Variants in GLIS3 observed in about 807,000 individuals in gnomAD.
The protein encoded by GLIS3 is zinc finger protein GLIS3.
Under a neutral mutation model 78.6 loss-of-function variants are expected in GLIS3, and 53 were observed. The ratio of observed to expected loss-of-function variants is 0.67; its 90% confidence interval spans 0.54 to 0.85. The LOEUF (loss-of-function observed/expected upper bound fraction) is 0.85. Among genes scored for constraint, GLIS3 ranks in the 40% least tolerant of loss-of-function variants. The probability of loss-of-function intolerance (pLI) is 0.00; values close to 1 mark genes in which losing one functional copy is unlikely to be tolerated. For missense variants in GLIS3, 1,703 were observed against 1,231.1 expected, an observed-to-expected ratio of 1.38 and a Z score of -5.74; for synonymous variants, 684 against 509.9, an observed-to-expected ratio of 1.34 and a Z score of -4.60.
chr9:4,242,897 T>C (rs574294256), intron 2 of GLIS3, among the ~76,000 whole-genome samples: 91 of 152,224 alleles, frequency 6.0e-4, no homozygotes, highest in Non-Finnish European at 1.1e-3. Flanking sequence ...GCTACTAAAA[T>C]TTTTAAATTA....
chr9:3,874,228 A>G lies in GLIS3; in HGVS notation c.2297+5199T>C, dbSNP rs189740729. ...GGGCCAAAGAGTAAACTGATTACCG[A>G]TGGCCAATGATGTAATCAATCACGC... On this transcript the variant is annotated intron_variant, in intron 8 of 10. Transcript: ENST00000381971. Among the ~76,000 whole-genome samples, 322 of 152,318 alleles carry G rather than the reference A, an allele frequency of 2.1e-3. 10 individuals carry two copies. The highest frequency in any genetic ancestry group is 0.019 in the Admixed American group (287 of 15,304).
At chr9:4,052,046 C>G (rs1055269874) in intron 4 of GLIS3, among the ~76,000 whole-genome samples, 1 of 152,168 alleles carries the variant, frequency 6.6e-6, no homozygotes, top group African/African-American at 2.4e-5. Flanking sequence ...CTGTTCACTT[C>G]TAAATAATTT....
chr9:4,311,895 T>C (rs1332349263), intron 2 of GLIS3, among the ~76,000 whole-genome samples: 1 of 152,150 alleles, frequency 6.6e-6, no homozygotes, highest in Admixed American at 6.5e-5. Context: ...AAAGATCCTT[T>C]AAAAATCTAT....
At chr9:4,195,346 G>A (rs987454897) in intron 2 of GLIS3, among the ~76,000 whole-genome samples, 21 of 152,340 alleles carry the variant, frequency 1.4e-4, no homozygotes, top group Non-Finnish European at 1.5e-4. Context: ...TCGCAGGCCA[G>A]CGCGAGTTCT....
intron 4 of GLIS3, chr9:4,034,401 T>C (rs1824134758): frequency 6.6e-6 from 1 of 152,202 alleles, no homozygotes. Context: ...CCCCCTTGTT[T>C]CTTGAATTAG....
intron 2 of GLIS3, among the ~76,000 whole-genome samples, chr9:4,344,213 T>A (rs1285856974): frequency 6.6e-6 from 1 of 152,084 alleles, no homozygotes; most frequent in Non-Finnish European, 1.5e-5. Flanking sequence ...TATTCACCAT[T>A]TTTATTTGCC....
At chr9:4,481,476 T>C in the GLIS3 span, among the ~76,000 whole-genome samples, 1 of 139,854 alleles carries the variant, frequency 7.2e-6, no homozygotes, top group African/African-American at 2.8e-5. Flanking sequence ...CAAGACCCCA[T>C]CAAAAAATTA....
chr9:4,489,658 C>G, the GLIS3 span, among the ~76,000 whole-genome samples: 1 of 152,164 alleles, frequency 6.6e-6, no homozygotes, highest in East Asian at 1.9e-4. Flanking sequence ...CTTTCCAATC[C>G]GTTGGACCTT....
the GLIS3 span, among the ~76,000 whole-genome samples, chr9:4,373,486 G>GA: frequency 1.3e-5 from 2 of 152,100 alleles, no homozygotes; most frequent in African/African-American, 4.8e-5. Flanking sequence ...GCTCTGGGGG[G>GA]AAAAACTGTT....
intron 3 of GLIS3, among the ~76,000 whole-genome samples, chr9:4,121,620 G>GACACACACACAC (rs767610111): frequency 2.7e-4 from 38 of 142,214 alleles, no homozygotes; most frequent in African/African-American, 7.1e-4. Flanking sequence ...TTCTCCCAGT[G>GACACACACACAC]ACACACACAC....
At chr9:4,174,001 C>G (rs1305919113) in intron 2 of GLIS3, among the ~76,000 whole-genome samples, 1 of 151,976 alleles carries the variant, frequency 6.6e-6, no homozygotes, top group Non-Finnish European at 1.5e-5. Flanking sequence ...TTAAAAAAAA[C>G]TTAATTTCCA....
chr9:4,205,244 A>G (rs1245018433), intron 2 of GLIS3, among the ~76,000 whole-genome samples: 1 of 149,480 alleles, frequency 6.7e-6, no homozygotes, highest in Non-Finnish European at 1.5e-5. Context: ...ATTGCTGCTC[A>G]AAACCCTCTC....
the GLIS3 span, among the ~76,000 whole-genome samples, chr9:4,363,670 T>C: frequency 6.6e-6 from 1 of 152,216 alleles, no homozygotes; most frequent in Non-Finnish European, 1.5e-5. Context: ...TCCACCTCTA[T>C]CAATTTTCAA....
In GLIS3 at chr9:4,203,258, C is replaced by A. The variant is rs113531004; in HGVS notation, c.389-77317G>T. ...CAGTAGTCATCAGATAAATGCAACT[C>A]CAAATCATAATGAGGTAGCATCTCA... On this transcript the variant is annotated intron_variant, in intron 2 of 10. Transcript: ENST00000381971. Among the ~76,000 whole-genome samples the A allele has an allele frequency of 7.0e-4, 106 of 152,218 alleles. 1 individual carries two copies. Among genetic ancestry groups the A allele is most frequent in the Non-Finnish European group, 1.3e-3 (87 of 68,006 alleles).
At chr9:4,434,682 T>C in the GLIS3 span, among the ~76,000 whole-genome samples, 1 of 152,350 alleles carries the variant, frequency 6.6e-6, no homozygotes, top group African/African-American at 2.4e-5. Flanking sequence ...AATCCAGATG[T>C]AAGCCAGTTC....
the GLIS3 span, among the ~76,000 whole-genome samples, chr9:4,416,047 G>A: frequency 1.3e-5 from 2 of 149,258 alleles, no homozygotes; most frequent in South Asian, 2.1e-4. Flanking sequence ...TATATAAGCC[G>A]ACCTCACTTT....
chr9:4,348,607 GT>G (rs1817925107), upstream of GLIS3, among the ~76,000 whole-genome samples: 1 of 152,152 alleles, frequency 6.6e-6, no homozygotes, highest in African/African-American at 2.4e-5. Context: ...TTAAATATGG[GT>G]TATCTTATTA....
chr9:4,189,547 G>C (rs892263486), intron 2 of GLIS3, among the ~76,000 whole-genome samples: 4 of 152,028 alleles, frequency 2.6e-5, no homozygotes, highest in South Asian at 4.1e-4. Context: ...CCTGGGTATC[G>C]TTGTTAACTT....
intron 4 of GLIS3, among the ~76,000 whole-genome samples, chr9:3,972,003 C>G (rs1818415291): frequency 6.6e-6 from 1 of 152,134 alleles, no homozygotes; most frequent in African/African-American, 2.4e-5. Context: ...CAAGAAGGGG[C>G]TTTTGTTCAG....
Sources: gnomAD v4.1 joint callset for allele counts (sites outside exome capture counted in the v4.1 genomes callset) on GRCh38, gnomAD v4.1.1 for gene constraint, MANE v1.5 for transcripts, NCBI Gene and HGNC (gene_info 2026-07-23, HGNC 2026-07-21) for gene names.